Variants in PTPRD observed in about 807,000 individuals in gnomAD.
PTPRD encodes protein tyrosine phosphatase receptor type D.
Under a neutral mutation model 214.5 loss-of-function variants are expected in PTPRD, and 34 were observed. The ratio of observed to expected loss-of-function variants is 0.16; its 90% CI spans 0.12 to 0.21. The LOEUF (loss-of-function observed/expected upper bound fraction) is 0.21. PTPRD is among the 10% of genes least tolerant of loss of function. The pLI is 1.00. For synonymous variants in PTPRD, 1,128 were observed against 845.7 expected (o/e 1.33, Z -5.79); for missense variants, 2,545 against 2,398.7 (o/e 1.06, Z -1.27).
chr9:9,094,565 G>A (rs1029604937), intron 10 of PTPRD, among the ~76,000 whole-genome samples: 16 of 151,956 alleles, frequency 1.1e-4, no homozygotes, highest in Admixed American at 8.5e-4. Flanking sequence ...CTACATAGTG[G>A]GTACAGTGTA....
chr9:10,599,262 C>T (rs2077392182), intron 2 of PTPRD, among the ~76,000 whole-genome samples: 1 of 151,678 alleles, frequency 6.6e-6, no homozygotes, highest in Non-Finnish European at 1.5e-5. Flanking sequence ...AACTACTCAC[C>T]TTACGACTGT....
chr9:10,125,852 G>A (rs551684914), intron 3 of PTPRD, among the ~76,000 whole-genome samples: 4 of 152,042 alleles, frequency 2.6e-5, no homozygotes, highest in East Asian at 1.9e-4. Context: ...ATTGATATAT[G>A]GATATAAATA....
At chr9:9,251,561 T>G (rs1035724101) in intron 9 of PTPRD, among the ~76,000 whole-genome samples, 3 of 152,108 alleles carry the variant, frequency 2.0e-5, no homozygotes, top group African/African-American at 7.2e-5. Context: ...GAATGTACTT[T>G]CCTTCGGGCA....
In PTPRD at chr9:10,062,645, C is replaced by T. The variant is rs147259147; in HGVS notation, c.-544-28855G>A. ...ATAAAAGATAAAAACTGGTCTTCTA[C>T]AACAGAGTTGTTAAGTAGCCGATAG... is the stretch of plus-strand genomic sequence containing the variant. On this transcript the variant is annotated intron_variant, in intron 3 of 45. Transcript: ENST00000381196. Among the ~76,000 whole-genome samples the T allele has an allele frequency of 2.4e-3, 371 of 152,086 alleles. 1 individual carries two copies. Among genetic ancestry groups the T allele is most frequent in the African/African-American group, 8.2e-3 (341 of 41,530 alleles).
intron 39 of PTPRD, among the ~76,000 whole-genome samples, chr9:8,358,158 C>T (rs1360364886): frequency 6.6e-6 from 1 of 152,118 alleles, no homozygotes; most frequent in Non-Finnish European, 1.5e-5. Flanking sequence ...TGCAATGTGA[C>T]CTCATAGACA....
chr9:10,429,446 A>G (rs1281060207), intron 2 of PTPRD, among the ~76,000 whole-genome samples: 3 of 152,012 alleles, frequency 2.0e-5, no homozygotes, highest in African/African-American at 7.2e-5. Context: ...GGGTCTATCA[A>G]CGAATGAATA....
At chr9:8,612,336 A>G (rs1440770102) in intron 14 of PTPRD, among the ~76,000 whole-genome samples, 2 of 152,184 alleles carry the variant, frequency 1.3e-5, no homozygotes, top group East Asian at 1.9e-4. Flanking sequence ...GCACTGAAAA[A>G]TGTTCATTTC....
intron 9 of PTPRD, among the ~76,000 whole-genome samples, chr9:9,275,642 G>A (rs939027953): frequency 6.6e-6 from 1 of 151,194 alleles, no homozygotes; most frequent in Non-Finnish European, 1.5e-5. Context: ...GACAAGGGCT[G>A]CTGCCCCCAG....
chr9:9,103,494 G>T (rs1040418857), intron 10 of PTPRD, among the ~76,000 whole-genome samples: 2 of 151,968 alleles, frequency 1.3e-5, no homozygotes, highest in Non-Finnish European at 2.9e-5. Flanking sequence ...TGTTAAATGA[G>T]AATGTATTAT....
chr9:8,440,806 T>A (rs59146624), intron 34 of PTPRD, among the ~76,000 whole-genome samples: 4,984 of 152,274 alleles, frequency 0.033, 99 homozygotes, highest in East Asian at 0.09. Context: ...GGTGACTTCC[T>A]TATAAGAAGT....
At chr9:8,438,389 C>G (rs1343790816) in intron 34 of PTPRD, among the ~76,000 whole-genome samples, 1 of 152,102 alleles carries the variant, frequency 6.6e-6, no homozygotes, top group African/African-American at 2.4e-5. Flanking sequence ...GCCAATAAAA[C>G]TGAATTGCTT....
At chr9:9,608,023 C>A (rs970172158) in intron 7 of PTPRD, among the ~76,000 whole-genome samples, 16 of 152,162 alleles carry the variant, frequency 1.1e-4, no homozygotes, top group African/African-American at 2.4e-4. Context: ...GAATCAGACT[C>A]CACTGCTTAC....
intron 11 of PTPRD, among the ~76,000 whole-genome samples, chr9:8,824,271 C>A (rs1479775754): frequency 6.6e-6 from 1 of 152,136 alleles, no homozygotes; most frequent in African/African-American, 2.4e-5. Flanking sequence ...GTGGTTAGCA[C>A]ACCTTTGACA....
At chr9:9,786,868 G>A (rs1156313095) in intron 5 of PTPRD, among the ~76,000 whole-genome samples, 2 of 151,756 alleles carry the variant, frequency 1.3e-5, no homozygotes, top group African/African-American at 2.4e-5. Context: ...AAATTGGCTG[G>A]GCACAGTGGC....
chr9:8,873,972 A>T (rs1316856803), intron 11 of PTPRD, among the ~76,000 whole-genome samples: 8 of 152,222 alleles, frequency 5.3e-5, no homozygotes, highest in Non-Finnish European at 1.2e-4. Context: ...AGTCTCTATC[A>T]TACTGGACAG....
At chr9:8,318,687 CTG>C (rs1476487316) in intron 45 of PTPRD, among the ~76,000 whole-genome samples, 1 of 152,016 alleles carries the variant, frequency 6.6e-6, no homozygotes, top group Non-Finnish European at 1.5e-5. Flanking sequence ...CAGCCCAATT[CTG>C]TGTGATTGCT....
intron 9 of PTPRD, among the ~76,000 whole-genome samples, chr9:9,387,198 A>T (rs560856426): frequency 1.4e-4 from 21 of 152,196 alleles, no homozygotes; most frequent in Non-Finnish European, 2.5e-4. Flanking sequence ...GTGTGTGTTT[A>T]TGTGAAATCT....
At chr9:9,037,875 C>T (rs750885226) in intron 10 of PTPRD, among the ~76,000 whole-genome samples, 7 of 152,270 alleles carry the variant, frequency 4.6e-5, no homozygotes, top group Admixed American at 6.5e-5. Context: ...GTGCTGACTA[C>T]GTGAGCAGGG....
chr9:10,588,229 T>C (rs1461273351), intron 2 of PTPRD, among the ~76,000 whole-genome samples: 1 of 152,088 alleles, frequency 6.6e-6, no homozygotes, highest in African/African-American at 2.4e-5. Context: ...CTCTCAGTTT[T>C]ATAGTTGCAG....
Sources: allele counts gnomAD v4.1 joint callset (sites outside exome capture counted in the v4.1 genomes callset), GRCh38; gene constraint gnomAD v4.1.1; transcripts MANE v1.5; gene names NCBI Gene and HGNC (gene_info 2026-07-23, HGNC 2026-07-21).